CACNB2: variants seen among roughly 807,000 people sequenced by gnomAD.
CACNB2 encodes the protein voltage-dependent L-type calcium channel subunit beta-2.
A neutral mutation model predicts 73.3 loss-of-function variants in CACNB2; 42 were observed. The ratio of observed to expected loss-of-function variants is 0.57; its 90% CI spans 0.45 to 0.74. CACNB2 has a LOEUF of 0.74. CACNB2 is among the 30% of genes least tolerant of loss of function. The probability of loss-of-function intolerance (pLI) is 0.00; values close to 1 mark genes in which losing one functional copy is unlikely to be tolerated. For missense variants in CACNB2, 940 were observed against 853.0 expected (o/e 1.10, Z -1.27); for synonymous variants, 348 against 310.3 (o/e 1.12, Z -1.28).
intron 2 of CACNB2, among the ~76,000 whole-genome samples, chr10:18,166,953 C>T (rs907469913): frequency 5.3e-5 from 8 of 151,992 alleles, no homozygotes; most frequent in Admixed American, 3.3e-4. Context: ...CTTTCAGGCC[C>T]CTAAATCCCC....
chr10:18,426,954 C>CTTTTTTTTT (rs1706941931), intron 3 of CACNB2, among the ~76,000 whole-genome samples: 1 of 27,748 alleles, frequency 3.6e-5, no homozygotes, highest in African/African-American at 2.4e-4. Context: ...CCCTTTTCTA[C>CTTTTTTTTT]ATTTTTTTTT....
intron 2 of CACNB2, among the ~76,000 whole-genome samples, chr10:18,248,033 G>A (rs1244682073): frequency 1.3e-5 from 2 of 152,140 alleles, no homozygotes; most frequent in East Asian, 1.9e-4. Context: ...CCTCCCAAAG[G>A]CCTCTCCTAA....
intron 2 of CACNB2, among the ~76,000 whole-genome samples, chr10:18,164,825 T>C (rs2032733684): frequency 6.6e-6 from 1 of 152,144 alleles, no homozygotes; most frequent in African/African-American, 2.4e-5. Context: ...TGTGCGTGTG[T>C]ATGTGAAAAC....
intron 3 of CACNB2, among the ~76,000 whole-genome samples, chr10:18,424,851 A>G (rs1472810929): frequency 6.6e-6 from 1 of 152,190 alleles, no homozygotes; most frequent in Non-Finnish European, 1.5e-5. Context: ...GGGATGTGGC[A>G]CAATCAATCT....
intron 3 of CACNB2, among the ~76,000 whole-genome samples, chr10:18,473,241 A>G (rs960749035): frequency 1.3e-5 from 2 of 152,200 alleles, no homozygotes; most frequent in South Asian, 2.1e-4. Context: ...TCTACTTGGT[A>G]TAATATGGTA....
At chr10:18,494,694 A>AT (rs1164064866) in intron 3 of CACNB2, among the ~76,000 whole-genome samples, 3,441 of 147,858 alleles carry the variant, frequency 0.023, 109 homozygotes, top group African/African-American at 0.079. Context: ...CCATGCTACA[A>AT]TTTTTTTTTT....
At chr10:18,322,959 C>CTTTTTTTTTTTTTTTTT (rs35664294) in intron 2 of CACNB2, among the ~76,000 whole-genome samples, 1 of 106,348 alleles carries the variant, frequency 9.4e-6, no homozygotes. Flanking sequence ...TGGTGATATT[C>CTTTTTTTTTTTTTTTTT]TTTTTTTTTT....
chr10:18,158,898 T>C (rs1464007857), intron 2 of CACNB2, among the ~76,000 whole-genome samples: 1 of 152,094 alleles, frequency 6.6e-6, no homozygotes, highest in Non-Finnish European at 1.5e-5. Context: ...CAGGGAAAAA[T>C]ATGTACATCT....
intron 2 of CACNB2, among the ~76,000 whole-genome samples, chr10:18,398,034 G>T (rs2043804339): frequency 6.6e-6 from 1 of 152,120 alleles, no homozygotes; most frequent in Admixed American, 6.5e-5. Flanking sequence ...AGAGATCAAG[G>T]GTACATTTTG....
intron 2 of CACNB2, among the ~76,000 whole-genome samples, chr10:18,200,319 A>C (rs976986103): frequency 2.0e-5 from 3 of 151,968 alleles, no homozygotes; most frequent in Non-Finnish European, 2.9e-5. Flanking sequence ...GAAAGAATTG[A>C]GGATATTTTG....
intron 2 of CACNB2, among the ~76,000 whole-genome samples, chr10:18,283,330 A>ATT (rs1453645834): frequency 3.3e-5 from 5 of 152,198 alleles, no homozygotes; most frequent in African/African-American, 1.2e-4. Context: ...GTATATACCC[A>ATT]AAGGATTATA....
chr10:18,246,023 G>T (rs2036845092), intron 2 of CACNB2, among the ~76,000 whole-genome samples: 1 of 152,098 alleles, frequency 6.6e-6, no homozygotes, highest in Admixed American at 6.6e-5. Flanking sequence ...TCTACTCCTG[G>T]AACCCGGAGA....
intron 3 of CACNB2, among the ~76,000 whole-genome samples, chr10:18,440,574 G>C (rs1406986037): frequency 6.6e-6 from 1 of 152,172 alleles, no homozygotes; most frequent in Non-Finnish European, 1.5e-5. Flanking sequence ...GGATCACTTA[G>C]AGGTTGCAGT....
Position 18,538,168 on chromosome 10 carries a change from C to G in CACNB2, c.1303-12C>G. 22 of 1,614,048 alleles carry G rather than the reference C, an allele frequency of 1.4e-5. No homozygotes were observed. Among genetic ancestry groups the G allele is most frequent in the Non-Finnish European group, 1.9e-5 (22 of 1,179,956 alleles). ...CTGGCATCAATGTGGTCTGGAATGT[C>G]TGCCTCTGCAGGAGCTGTTCGATGT... On this transcript the variant is annotated splice_polypyrimidine_tract_variant and intron_variant, in intron 12 of 13. Coordinates refer to ENST00000324631, the MANE Select transcript of CACNB2 (RefSeq NM_201596.3).
chr10:18,495,220 CTTT>C (rs755228257), intron 3 of CACNB2, among the ~76,000 whole-genome samples: 4 of 137,278 alleles, frequency 2.9e-5, no homozygotes, highest in Non-Finnish European at 4.8e-5. Context: ...TTGAGGGAGT[CTTT>C]TTTTTTTTTT....
At chr10:18,519,069 G>A in intron 9 of CACNB2, 101 bp downstream of exon 9, 2 of 925,130 alleles carry the variant, frequency 2.2e-6, no homozygotes, top group African/African-American at 1.6e-5. Context: ...GCCCTCTGAT[G>A]TCTATATGAT....
intron 3 of CACNB2, among the ~76,000 whole-genome samples, chr10:18,418,456 G>C (rs939169052): frequency 1.3e-5 from 2 of 152,210 alleles, no homozygotes; most frequent in Non-Finnish European, 2.9e-5. Context: ...ACTAAATATG[G>C]CCTGAGAAGG....
intron 2 of CACNB2, among the ~76,000 whole-genome samples, chr10:18,228,486 T>A (rs1056965527): frequency 8.2e-6 from 1 of 122,210 alleles, no homozygotes; most frequent in Non-Finnish European, 1.9e-5. Context: ...TAATACATTG[T>A]TTTTAGGCAA....
chr10:18,265,853 G>A (rs927333288), intron 2 of CACNB2, among the ~76,000 whole-genome samples: 7 of 152,194 alleles, frequency 4.6e-5, no homozygotes, highest in African/African-American at 1.2e-4. Flanking sequence ...AAGCAGGGGA[G>A]TTTGCTGTCT....
Sources: gnomAD v4.1 joint callset for allele counts (sites outside exome capture counted in the v4.1 genomes callset) on GRCh38, gnomAD v4.1.1 for gene constraint, MANE v1.5 for transcripts, NCBI Gene and HGNC (gene_info 2026-07-23, HGNC 2026-07-21) for gene names.